CDH6: variants seen among roughly 807,000 people sequenced by gnomAD.
CDH6 encodes cadherin 6, also known as cadherin-6.
CDH6 carries 31 observed loss-of-function variants against 78.0 expected under a neutral mutation model. The ratio of observed to expected loss-of-function variants is 0.40; its 90% CI spans 0.30 to 0.54. The LOEUF (loss-of-function observed/expected upper bound fraction) is 0.54, where lower values mean the gene tolerates loss of function less well. CDH6 is among the 20% of genes least tolerant of loss of function. The pLI is 0.56. For synonymous variants in CDH6, 376 were observed against 368.8 expected (o/e 1.02, Z -0.23); for missense variants, 724 against 975.9 (o/e 0.74, Z 3.44).
intron 2 of CDH6, among the ~76,000 whole-genome samples, chr5:31,272,902 G>A (rs1245666995): frequency 6.6e-6 from 1 of 152,136 alleles, no homozygotes; most frequent in African/African-American, 2.4e-5. Context: ...AAAATTGATA[G>A]GCTGTATTTT....
intron 6 of CDH6, among the ~76,000 whole-genome samples, chr5:31,302,900 AAAAAAAGAAAGAAAGAAAG>A (rs1561066308): frequency 9.4e-5 from 13 of 138,228 alleles, no homozygotes; most frequent in African/African-American, 3.1e-4. Context: ...AGAAAGAAAG[AAAAAAAGAAAGAAAGAAAG>A]AAAGAAAGAA....
chr5:31,269,386 G>A (rs563963935), intron 2 of CDH6, among the ~76,000 whole-genome samples: 1 of 152,176 alleles, frequency 6.6e-6, no homozygotes, highest in South Asian at 2.1e-4. Flanking sequence ...ATGGGGAAAA[G>A]TTACAAGCTG....
In CDH6 at chr5:31,231,183, G is replaced by A. The variant is rs142047897; in HGVS notation, c.-128-36163G>A. Among the ~76,000 whole-genome samples, 945 of 152,180 alleles carry A rather than the reference G, an allele frequency of 6.2e-3. 10 individuals are homozygous for A. Among genetic ancestry groups the A allele is most frequent in the South Asian group, 0.032 (155 of 4,826 alleles). On this transcript the variant is annotated intron_variant, in intron 1 of 11. Transcript: ENST00000265071. ...AAACTCTTTTTAACAGATTACTCAC[G>A]ATGCAATTAAAATTAAATTATGTGC... is the stretch of plus-strand genomic sequence containing the variant.
At chr5:31,275,000 T>C (rs1742652153) in intron 2 of CDH6, among the ~76,000 whole-genome samples, 1 of 152,212 alleles carries the variant, frequency 6.6e-6, no homozygotes, top group Non-Finnish European at 1.5e-5. Flanking sequence ...GAGTCTATTC[T>C]ATAGGCATTG....
chr5:31,323,520 T>A lies in CDH6; in HGVS notation c.*212T>A. 1.9e-6 allele frequency: 1 copy of A among 533,040 alleles called. No individual in the cohort carries two copies. The allele number at this position is 533,040 out of a possible 1,614,324, so 33.0% of individuals were successfully genotyped here. On this transcript the variant is annotated 3_prime_UTR_variant, in exon 12 of 12. Transcript: ENST00000265071. Reference sequence around the variant, plus strand: ...ATTTTTATTTTTTAGTGCATCCAGTTAACCAAGTCAGCCCAACAGGCAGGT... The same window carrying A: ...ATTTTTATTTTTTAGTGCATCCAGTAAACCAAGTCAGCCCAACAGGCAGGT...
intron 1 of CDH6, among the ~76,000 whole-genome samples, chr5:31,202,411 G>C (rs1480173696): frequency 6.6e-6 from 1 of 152,090 alleles, no homozygotes; most frequent in African/African-American, 2.4e-5. Context: ...AAGGCAGGCG[G>C]ATCAACTGAG....
intron 1 of CDH6, among the ~76,000 whole-genome samples, chr5:31,248,677 G>A (rs898178964): frequency 6.6e-6 from 1 of 151,836 alleles, no homozygotes; most frequent in South Asian, 2.1e-4. Flanking sequence ...CCATCATAAA[G>A]CAATATTAAG....
rs960089780 is a variant in CDH6, at chr5:31,297,338, T to C, written c.573T>C (p.Tyr191=). The change falls in exon 4 of 12, where the codon TAT becomes TAC. Residue 191 remains tyrosine, a synonymous_variant. Coordinates refer to ENST00000265071, the MANE Select transcript of CDH6 (RefSeq NM_004932.4). Reference sequence around the variant, plus strand: ...CGACGGATGCAGATGATCCAACATATGGGAACAGTGCTAAAGTTGTCTACA... The same window carrying C: ...CGACGGATGCAGATGATCCAACATACGGGAACAGTGCTAAAGTTGTCTACA... ...VTATDADDPT[Y]GNSAKVVYSI... The C allele has an allele frequency of 6.2e-7, 1 of 1,609,572 alleles. No individual in the cohort carries two copies. The highest frequency in any genetic ancestry group is 8.5e-7 in the Non-Finnish European group (1 of 1,176,050).
At chr5:31,221,280 T>C (rs1168936777) in intron 1 of CDH6, among the ~76,000 whole-genome samples, 1 of 152,172 alleles carries the variant, frequency 6.6e-6, no homozygotes, top group Middle Eastern at 3.2e-3. Flanking sequence ...GAATCAATAC[T>C]TCTTTTCCTT....
At chr5:31,234,120 T>C (rs536123137) in intron 1 of CDH6, among the ~76,000 whole-genome samples, 64 of 152,238 alleles carry the variant, frequency 4.2e-4, no homozygotes, top group Non-Finnish European at 7.8e-4. Flanking sequence ...AATTTTAAAG[T>C]CTGAAAATAT....
chr5:31,267,974 CT>C (rs1346258669), intron 2 of CDH6, among the ~76,000 whole-genome samples: 1 of 152,160 alleles, frequency 6.6e-6, no homozygotes, highest in African/African-American at 2.4e-5. Flanking sequence ...TTAATTTTTA[CT>C]GTAGCTTAAA....
At chr5:31,310,289 C>T (rs150715219) in intron 7 of CDH6, among the ~76,000 whole-genome samples, 147 of 152,342 alleles carry the variant, frequency 9.6e-4, no homozygotes, top group African/African-American at 3.4e-3. Context: ...AAAATAATCT[C>T]CTTTGACTCC....
At chr5:31,281,580 A>T (rs896327874) in intron 2 of CDH6, among the ~76,000 whole-genome samples, 1 of 152,222 alleles carries the variant, frequency 6.6e-6, no homozygotes, top group Non-Finnish European at 1.5e-5. Context: ...GGGACCTTGG[A>T]CTTCAAAAGC....
At chr5:31,275,457 T>C (rs1428139817) in intron 2 of CDH6, among the ~76,000 whole-genome samples, 2 of 152,234 alleles carry the variant, frequency 1.3e-5, no homozygotes, top group South Asian at 2.1e-4. Context: ...ATGCCATATT[T>C]GGTTTTCTGT....
intron 3 of CDH6, among the ~76,000 whole-genome samples, chr5:31,295,458 C>T (rs1337035273): frequency 6.6e-6 from 1 of 152,124 alleles, no homozygotes; most frequent in Non-Finnish European, 1.5e-5. Context: ...GTGCCATTCA[C>T]TTTTGAAGCC....
intron 1 of CDH6, among the ~76,000 whole-genome samples, chr5:31,257,229 C>A (rs1257124208): frequency 1.3e-5 from 2 of 152,180 alleles, no homozygotes; most frequent in South Asian, 4.1e-4. Context: ...GTGGCGCGAT[C>A]TCGGCTCACT....
At chr5:31,240,288 A>G (rs1741563471) in intron 1 of CDH6, among the ~76,000 whole-genome samples, 2 of 152,202 alleles carry the variant, frequency 1.3e-5, no homozygotes, top group Non-Finnish European at 2.9e-5. Context: ...TATATATCCA[A>G]TACAATTACA....
intron 2 of CDH6, among the ~76,000 whole-genome samples, chr5:31,274,873 T>C (rs374802365): frequency 2.0e-5 from 3 of 152,278 alleles, no homozygotes; most frequent in East Asian, 1.9e-4. Context: ...AGTGAAGAGT[T>C]TGGATCCTTT....
chr5:31,320,360 A>G (rs1738447719), intron 11 of CDH6, among the ~76,000 whole-genome samples: 3 of 152,314 alleles, frequency 2.0e-5, no homozygotes, highest in South Asian at 4.1e-4. Flanking sequence ...TTGCGCTTTC[A>G]GACGTGCATA....
Sources: allele counts gnomAD v4.1 joint callset (sites outside exome capture counted in the v4.1 genomes callset), GRCh38; gene constraint gnomAD v4.1.1; transcripts MANE v1.5; gene names NCBI Gene and HGNC (gene_info 2026-07-23, HGNC 2026-07-21).